The following SEMA6A variants were observed in gnomAD, a reference collection of about 807,000 sequenced individuals.
SEMA6A encodes semaphorin-6A.
In SEMA6A, 25 loss-of-function variants were observed where a neutral mutation model predicts 96.8. The ratio of observed to expected loss-of-function variants is 0.26; its 90% confidence interval spans 0.19 to 0.36. SEMA6A has a LOEUF of 0.36. Among genes scored for constraint, SEMA6A ranks in the 10% least tolerant of loss-of-function variants. The probability of loss-of-function intolerance (pLI) is 1.00; values close to 1 mark genes in which losing one functional copy is unlikely to be tolerated. For synonymous variants in SEMA6A, 612 were observed against 518.0 expected, an observed-to-expected ratio of 1.18 and a Z score of -2.46; for missense variants, 1,363 against 1,323.1, an observed-to-expected ratio of 1.03 and a Z score of -0.47.
chr5:116,527,066 A>G (rs1457694362), intron 1 of SEMA6A, among the ~76,000 whole-genome samples: 1 of 152,182 alleles, frequency 6.6e-6, no homozygotes, highest in African/African-American at 2.4e-5. Context: ...AATTATATGG[A>G]CAATGAAATA....
intron 18 of SEMA6A, among the ~76,000 whole-genome samples, chr5:116,459,300 A>C (rs1234710806): frequency 2.0e-5 from 3 of 152,210 alleles, no homozygotes; most frequent in Admixed American, 6.5e-5. Flanking sequence ...TATTGTGTAC[A>C]TGTAATTAAT....
intron 1 of SEMA6A, among the ~76,000 whole-genome samples, chr5:116,535,772 G>C (rs995585761): frequency 1.3e-5 from 2 of 152,180 alleles, no homozygotes; most frequent in Admixed American, 6.5e-5. Flanking sequence ...TCCTATAAAT[G>C]ATTTTGTAAA....
chr5:116,462,653 C>T (rs935832246), intron 18 of SEMA6A, among the ~76,000 whole-genome samples: 5 of 152,170 alleles, frequency 3.3e-5, no homozygotes, highest in Admixed American at 6.5e-5. Flanking sequence ...TGTATAATTA[C>T]AACACTTGGA....
intron 1 of SEMA6A, chr5:116,554,724 A>G (rs147886431): frequency 9.9e-5 from 15 of 152,276 alleles, no homozygotes; most frequent in African/African-American, 3.6e-4. Context: ...TACATATAAA[A>G]CAAATATTCA....
intron 3 of SEMA6A, among the ~76,000 whole-genome samples, chr5:116,500,244 C>T (rs1757811757): frequency 6.6e-6 from 1 of 152,202 alleles, no homozygotes; most frequent in Admixed American, 6.5e-5. Flanking sequence ...AGTACCAGCT[C>T]TATTCCTCAG....
At chr5:116,495,588 TTGGCTG>T in intron 5 of SEMA6A, 74 bp from the exon 6 acceptor site, 2 of 1,115,350 alleles carry the variant, frequency 1.8e-6, no homozygotes, top group Non-Finnish European at 2.6e-6. Flanking sequence ...TATGCCATGG[TTGGCTG>T]ACAGTAAGGT....
chr5:116,448,170 T>TTAAA (rs1193422146), intron 18 of SEMA6A, among the ~76,000 whole-genome samples: 48 of 119,524 alleles, frequency 4.0e-4, no homozygotes, highest in African/African-American at 1.7e-3. Context: ...CCGTCTCTAC[T>TTAAA]AAAAAAAAAA....
At chr5:116,564,718 T>A (rs1760959276) in intron 1 of SEMA6A, among the ~76,000 whole-genome samples, 2 of 150,188 alleles carry the variant, frequency 1.3e-5, no homozygotes, top group Admixed American at 1.3e-4. Flanking sequence ...TAAAAAAAAA[T>A]AGCAAAATAT....
chr5:116,517,587 T>C (rs1440735802), intron 1 of SEMA6A, among the ~76,000 whole-genome samples: 1 of 152,234 alleles, frequency 6.6e-6, no homozygotes, highest in Non-Finnish European at 1.5e-5. Context: ...TCCTATGTTC[T>C]GGGCTTATAA....
At chr5:116,534,898 A>G (rs1390401392) in intron 1 of SEMA6A, among the ~76,000 whole-genome samples, 1 of 152,266 alleles carries the variant, frequency 6.6e-6, no homozygotes, top group Admixed American at 6.5e-5. Flanking sequence ...AAATCTGACC[A>G]GACAAGTAAC....
intron 1 of SEMA6A, among the ~76,000 whole-genome samples, chr5:116,554,099 A>G (rs1760517922): frequency 6.6e-6 from 1 of 152,194 alleles, no homozygotes; most frequent in South Asian, 2.1e-4. Flanking sequence ...AAACAGTAAT[A>G]AACAGTAACA....
Position 116,519,074 on chromosome 5 carries a change from C to T in SEMA6A, c.-38-14092G>A, listed in dbSNP as rs138929022. 3.7e-3 allele frequency among the ~76,000 whole-genome samples: 570 copies of T among 152,066 alleles called. 1 individual carries two copies. Among genetic ancestry groups the T allele is most frequent in the Non-Finnish European group, 5.9e-3 (399 of 68,018 alleles). Reference sequence around the variant, plus strand: ...GTTCTTCACATATCTATTTAATCAGCTCTTTCCAGCAGCACTAAGACATGA... The same window carrying T: ...GTTCTTCACATATCTATTTAATCAGTTCTTTCCAGCAGCACTAAGACATGA... On this transcript the variant is annotated intron_variant, in intron 1 of 18. Coordinates refer to ENST00000343348, the MANE Select transcript of SEMA6A (RefSeq NM_020796.5).
chr5:116,512,662 C>CTT (rs78607731), intron 1 of SEMA6A, among the ~76,000 whole-genome samples: 44,242 of 151,796 alleles, frequency 0.29, 6,764 homozygotes, highest in Admixed American at 0.37. Flanking sequence ...TCAGATGATT[C>CTT]TGTTATGTTC....
chr5:116,518,821 A>C (rs17140012), intron 1 of SEMA6A, among the ~76,000 whole-genome samples: 10 of 152,298 alleles, frequency 6.6e-5, no homozygotes, highest in Non-Finnish European at 1.3e-4. Context: ...AGTTCTGAGC[A>C]ATGAGAAGGA....
chr5:116,490,718 C>T (rs1757290343), intron 7 of SEMA6A, among the ~76,000 whole-genome samples: 1 of 152,148 alleles, frequency 6.6e-6, no homozygotes, highest in South Asian at 2.1e-4. Context: ...TTCAGGAAGC[C>T]AGGAACTAAT....
intron 1 of SEMA6A, among the ~76,000 whole-genome samples, chr5:116,540,560 A>G (rs1270741242): frequency 6.6e-6 from 1 of 152,132 alleles, no homozygotes. Flanking sequence ...TCATTCCCAC[A>G]TGTCACTTTC....
intron 1 of SEMA6A, among the ~76,000 whole-genome samples, chr5:116,519,693 GCACA>G (rs1290299020): frequency 3.3e-5 from 4 of 123,072 alleles, no homozygotes; most frequent in African/African-American, 1.8e-4. Context: ...ACACACACAC[GCACA>G]CACATACATT....
intron 2 of SEMA6A, among the ~76,000 whole-genome samples, chr5:116,503,080 C>T (rs1410093262): frequency 6.6e-6 from 1 of 152,154 alleles, no homozygotes; most frequent in African/African-American, 2.4e-5. Context: ...GTATTGAGAT[C>T]TGGCCTTTAA....
chr5:116,540,151 G>A (rs75182323), intron 1 of SEMA6A, among the ~76,000 whole-genome samples: 2,199 of 152,254 alleles, frequency 0.014, 46 homozygotes, highest in African/African-American at 0.05. Flanking sequence ...TCCAAAAAAT[G>A]TGATAGGATT....
Sources: gnomAD v4.1 joint callset for allele counts (sites outside exome capture counted in the v4.1 genomes callset) on GRCh38, gnomAD v4.1.1 for gene constraint, MANE v1.5 for transcripts, NCBI Gene and HGNC (gene_info 2026-07-23, HGNC 2026-07-21) for gene names.